NAA15: variants seen among roughly 807,000 people sequenced by gnomAD.
The protein encoded by NAA15 is N-alpha-acetyltransferase 15, NatA auxiliary subunit, also known as N-terminal acetyltransferase.
NAA15 carries 34 observed loss-of-function variants against 114.0 expected under a neutral mutation model. That is an observed-to-expected ratio of 0.30 (90% CI 0.23 to 0.40). The LOEUF (loss-of-function observed/expected upper bound fraction) is 0.40. Ranked by LOEUF, NAA15 falls within the 10% of genes least tolerant of loss-of-function variation. The pLI is 1.00. For synonymous variants in NAA15, 340 were observed against 338.0 expected (o/e 1.01, Z -0.06); for missense variants, 658 against 1,004.5 (o/e 0.66, Z 4.66).
chr4:139,314,505 A>T (rs561277599), intron 1 of NAA15, among the ~76,000 whole-genome samples: 17 of 152,066 alleles, frequency 1.1e-4, no homozygotes, highest in African/African-American at 3.6e-4. Flanking sequence ...AGAGTTGTAG[A>T]GATCATATAT....
chr4:139,386,433 G>T, intron 19 of NAA15: 2 of 400,282 alleles, frequency 5.0e-6, no homozygotes, highest in Non-Finnish European at 8.9e-6. Flanking sequence ...TAAGAAATAT[G>T]TTTTAATAAA....
intron 6 of NAA15, among the ~76,000 whole-genome samples, chr4:139,347,226 A>G (rs1028893867): frequency 6.6e-6 from 1 of 152,122 alleles, no homozygotes; most frequent in Non-Finnish European, 1.5e-5. Context: ...CTCCTAGCTT[A>G]TTTAGATGCC....
At chr4:139,366,755 C>T (rs1486070280) in intron 14 of NAA15, among the ~76,000 whole-genome samples, 1 of 152,006 alleles carries the variant, frequency 6.6e-6, no homozygotes, top group Admixed American at 6.6e-5. Flanking sequence ...ACTACAGGCA[C>T]ATGCCACCAT....
intron 6 of NAA15, among the ~76,000 whole-genome samples, chr4:139,344,635 CAA>C (rs1216212913): frequency 9.9e-5 from 15 of 151,976 alleles, no homozygotes; most frequent in Non-Finnish European, 2.1e-4. Flanking sequence ...GATCAAAACA[CAA>C]GAGACAATTA....
intron 14 of NAA15, among the ~76,000 whole-genome samples, chr4:139,365,574 A>T (rs1748256460): frequency 6.6e-6 from 1 of 152,090 alleles, no homozygotes; most frequent in Non-Finnish European, 1.5e-5. Flanking sequence ...GCAGTGGCAC[A>T]CACCTGTAAT....
At chr4:139,327,287 T>G (rs955543035) in intron 1 of NAA15, among the ~76,000 whole-genome samples, 1 of 152,234 alleles carries the variant, frequency 6.6e-6, no homozygotes, top group Non-Finnish European at 1.5e-5. Context: ...TCTCGCTCTG[T>G]CACCCAGGCT....
At chr4:139,350,984 G>A (rs1262284165) in intron 7 of NAA15, among the ~76,000 whole-genome samples, 3 of 151,916 alleles carry the variant, frequency 2.0e-5, no homozygotes, top group East Asian at 3.9e-4. Flanking sequence ...AAGCAGAACA[G>A]GATAAAGATA....
intron 13 of NAA15, 141 bp downstream of exon 13, chr4:139,360,769 A>C: frequency 1.5e-6 from 1 of 675,864 alleles, no homozygotes; most frequent in South Asian, 4.3e-5. Context: ...TTCAGTTTTC[A>C]TACTGGAAAT....
intron 1 of NAA15, among the ~76,000 whole-genome samples, chr4:139,305,608 G>A (rs1035208556): frequency 6.6e-6 from 1 of 151,568 alleles, no homozygotes; most frequent in African/African-American, 2.4e-5. Context: ...CATGATCTCG[G>A]CTCACCGAAA....
chr4:139,314,992 TCAG>T (rs1746336149), intron 1 of NAA15, among the ~76,000 whole-genome samples: 2 of 83,382 alleles, frequency 2.4e-5, no homozygotes, highest in East Asian at 6.9e-4. Context: ...AGCGTTCAGT[TCAG>T]TTCAGTTTAG....
intron 1 of NAA15, among the ~76,000 whole-genome samples, chr4:139,316,258 G>T (rs938688770): frequency 4.0e-5 from 6 of 151,728 alleles, no homozygotes; most frequent in Non-Finnish European, 8.8e-5. Context: ...AGCTTGGCTG[G>T]ATATAAAATA....
intron 7 of NAA15, among the ~76,000 whole-genome samples, chr4:139,349,947 C>G (rs1261976515): frequency 6.6e-6 from 1 of 151,816 alleles, no homozygotes; most frequent in Non-Finnish European, 1.5e-5. Context: ...CATAGTGCCA[C>G]TGCATTCCAC....
At position 139,315,685 on chromosome 4, in the gene NAA15, C is replaced by T. The variant is rs114113692; in HGVS notation, c.54+13854C>T. ...GTACTTGCTCTTTTGTAGATGTAGTCTATTTTAAACCTTAGCTTTTTCACT... is the reference window on the plus strand; with the variant it reads ...GTACTTGCTCTTTTGTAGATGTAGTTTATTTTAAACCTTAGCTTTTTCACT... On this transcript the variant is annotated intron_variant, in intron 1 of 19. Coordinates refer to ENST00000296543, the MANE Select transcript of NAA15 (RefSeq NM_057175.5). 7.5e-3 allele frequency among the ~76,000 whole-genome samples: 1,136 copies of T among 151,902 alleles called. 25 individuals carry two copies. The highest frequency in any genetic ancestry group is 0.025 in the African/African-American group (1,047 of 41,362).
At chr4:139,375,475 T>A (rs1278066878) in intron 15 of NAA15, among the ~76,000 whole-genome samples, 2 of 152,080 alleles carry the variant, frequency 1.3e-5, no homozygotes, top group South Asian at 2.1e-4. Flanking sequence ...TTTCTTTTTT[T>A]AAATGCAGTG....
chr4:139,334,758 G>GTGTGTGGCTAAT (rs1392457085), intron 2 of NAA15, among the ~76,000 whole-genome samples: 1 of 152,182 alleles, frequency 6.6e-6, no homozygotes, highest in Non-Finnish European at 1.5e-5. Context: ...CAAGGGGAGA[G>GTGTGTGGCTAAT]TGTGTGGCTA....
intron 14 of NAA15, among the ~76,000 whole-genome samples, chr4:139,363,274 A>G (rs1417419984): frequency 6.6e-6 from 1 of 152,228 alleles, no homozygotes; most frequent in Non-Finnish European, 1.5e-5. Context: ...AGCTGAGACT[A>G]TTAATACAGA....
intron 14 of NAA15, 28 bp from the exon 15 acceptor site, chr4:139,370,183 A>T: frequency 6.9e-7 from 1 of 1,454,568 alleles, no homozygotes. Context: ...ATGCTTGTTA[A>T]TTTTATTAAT....
intron 18 of NAA15, among the ~76,000 whole-genome samples, chr4:139,385,283 A>AATATATATATATATATATAATATATAAT (rs35008407): frequency 5.0e-5 from 5 of 100,490 alleles, no homozygotes; most frequent in South Asian, 2.7e-4. Flanking sequence ...ATATATATAT[A>AATATATATATATATATATAATATATAAT]ATATATATAT....
chr4:139,308,748 T>A (rs1579079731), intron 1 of NAA15, among the ~76,000 whole-genome samples: 1 of 152,122 alleles, frequency 6.6e-6, no homozygotes, highest in Non-Finnish European at 1.5e-5. Context: ...CCCCAGTAGC[T>A]GGGATTACAG....
Sources: allele counts gnomAD v4.1 joint callset (sites outside exome capture counted in the v4.1 genomes callset), GRCh38; gene constraint gnomAD v4.1.1; transcripts MANE v1.5; gene names NCBI Gene and HGNC (gene_info 2026-07-23, HGNC 2026-07-21).